The following CTNNA3 variants were observed in gnomAD, a reference collection of about 807,000 sequenced individuals.
CTNNA3 encodes catenin alpha 3, also known as catenin alpha-3.
A neutral mutation model predicts 95.7 loss-of-function variants in CTNNA3; 76 were observed. The observed-to-expected ratio is 0.79, with a 90% CI of 0.66 to 0.96. The LOEUF (loss-of-function observed/expected upper bound fraction) is 0.96. Among genes scored for constraint, CTNNA3 ranks in the 40% least tolerant of loss-of-function variants. The pLI is 0.00. For synonymous variants in CTNNA3, 431 were observed against 374.4 expected, an observed-to-expected ratio of 1.15 and a Z score of -1.74; for missense variants, 1,191 against 1,089.8, an observed-to-expected ratio of 1.09 and a Z score of -1.31.
intron 12 of CTNNA3, among the ~76,000 whole-genome samples, chr10:66,330,892 T>A (rs1297153059): frequency 1.3e-5 from 2 of 152,134 alleles, no homozygotes; most frequent in African/African-American, 2.4e-5. Context: ...TCTGTTCATA[T>A]CCTTTGCCCA....
chr10:66,353,804 G>GAAAT (rs2092585660), intron 12 of CTNNA3, among the ~76,000 whole-genome samples: 2 of 151,940 alleles, frequency 1.3e-5, no homozygotes, highest in Admixed American at 6.6e-5. Context: ...GAAAGGGATC[G>GAAAT]CTGAGATAAA....
intron 9 of CTNNA3, among the ~76,000 whole-genome samples, chr10:66,671,294 A>G (rs1049726966): frequency 7.9e-5 from 12 of 152,154 alleles, no homozygotes; most frequent in African/African-American, 2.9e-4. Flanking sequence ...TTTGATCCAT[A>G]TTAATTTTGT....
intron 10 of CTNNA3, among the ~76,000 whole-genome samples, chr10:66,616,760 G>A (rs1320310611): frequency 6.6e-6 from 1 of 151,972 alleles, no homozygotes; most frequent in Non-Finnish European, 1.5e-5. Context: ...GGACTTAACT[G>A]ACTCACTCTA....
chr10:67,569,020 G>C (rs927447081), intron 3 of CTNNA3, among the ~76,000 whole-genome samples: 1 of 152,116 alleles, frequency 6.6e-6, no homozygotes, highest in African/African-American at 2.4e-5. Context: ...GAAAGAGAAT[G>C]ATGAACTCTT....
At chr10:66,096,850 G>A (rs1001891537) in intron 14 of CTNNA3, among the ~76,000 whole-genome samples, 3 of 152,078 alleles carry the variant, frequency 2.0e-5, no homozygotes, top group African/African-American at 7.2e-5. Context: ...AAAAGTTTAA[G>A]TCCTATGCAA....
At chr10:66,389,765 G>T (rs2092922017) in intron 11 of CTNNA3, among the ~76,000 whole-genome samples, 2 of 147,828 alleles carry the variant, frequency 1.4e-5, no homozygotes, top group Admixed American at 6.8e-5. Context: ...GAGAGATAAG[G>T]TCTCCTTCTA....
At chr10:67,153,025 G>A (rs1861153472) in intron 7 of CTNNA3, among the ~76,000 whole-genome samples, 1 of 151,900 alleles carries the variant, frequency 6.6e-6, no homozygotes, top group African/African-American at 2.4e-5. Context: ...GCCCAGGATG[G>A]AGTATAGTGG....
intron 12 of CTNNA3, among the ~76,000 whole-genome samples, chr10:66,352,217 C>T (rs934562529): frequency 6.6e-6 from 1 of 152,100 alleles, no homozygotes; most frequent in Admixed American, 6.5e-5. Context: ...AGCAGTCAGA[C>T]TGAAGACTCA....
At chr10:67,523,020 T>C (rs1267973700) in intron 4 of CTNNA3, among the ~76,000 whole-genome samples, 1 of 152,122 alleles carries the variant, frequency 6.6e-6, no homozygotes. Context: ...TATAATTAAG[T>C]TTCCAGGGAA....
At chr10:67,491,617 T>C (rs1848651744) in intron 5 of CTNNA3, among the ~76,000 whole-genome samples, 2 of 152,182 alleles carry the variant, frequency 1.3e-5, no homozygotes, top group South Asian at 4.1e-4. Context: ...GAAAATACTC[T>C]GATATGGCTG....
At chr10:67,370,046 G>A (rs182423887) in intron 5 of CTNNA3, among the ~76,000 whole-genome samples, 5 of 152,208 alleles carry the variant, frequency 3.3e-5, no homozygotes, top group African/African-American at 7.2e-5. Flanking sequence ...ATGTATATAT[G>A]TATGTATGTG....
intron 8 of CTNNA3, among the ~76,000 whole-genome samples, chr10:66,766,735 T>G (rs918563939): frequency 1.1e-4 from 17 of 152,228 alleles, no homozygotes; most frequent in Non-Finnish European, 4.4e-5. Flanking sequence ...AGAATATTTA[T>G]GAGTGTGTAC....
intron 11 of CTNNA3, among the ~76,000 whole-genome samples, chr10:66,457,444 T>C (rs891808378): frequency 2.0e-5 from 3 of 152,080 alleles, no homozygotes; most frequent in South Asian, 2.1e-4. Context: ...CACTCCTACA[T>C]TGCTGTTGGG....
intron 7 of CTNNA3, chr10:66,926,655 TA>T: frequency 6.5e-7 from 1 of 1,543,426 alleles, no homozygotes; most frequent in Non-Finnish European, 8.9e-7. Context: ...GTGTGTGTAA[TA>T]ATTCTGCCTT....
intron 1 of CTNNA3, among the ~76,000 whole-genome samples, chr10:67,739,592 C>A (rs200073515): frequency 0.12 from 17,791 of 150,160 alleles, 1,195 homozygotes; most frequent in Non-Finnish European, 0.15. Flanking sequence ...TAGGAATCCA[C>A]CTTACAAGGG....
intron 11 of CTNNA3, among the ~76,000 whole-genome samples, chr10:66,399,899 T>G (rs2093007253): frequency 6.6e-6 from 1 of 152,006 alleles, no homozygotes; most frequent in Non-Finnish European, 1.5e-5. Flanking sequence ...CCTAAATTTA[T>G]GCCACTTGTT....
At chr10:66,492,768 C>G (rs1369318850) in intron 11 of CTNNA3, among the ~76,000 whole-genome samples, 1 of 152,144 alleles carries the variant, frequency 6.6e-6, no homozygotes, top group Non-Finnish European at 1.5e-5. Context: ...TCATTTAAAG[C>G]AGCAGGTAAT....
chr10:67,106,774 C>T (rs1405071930), intron 7 of CTNNA3, among the ~76,000 whole-genome samples: 1 of 152,092 alleles, frequency 6.6e-6, no homozygotes, highest in Non-Finnish European at 1.5e-5. Flanking sequence ...AAAATTCTAC[C>T]TATTTAAGGC....
At chr10:66,024,380 C>T (rs949485382) in intron 15 of CTNNA3, among the ~76,000 whole-genome samples, 10 of 152,168 alleles carry the variant, frequency 6.6e-5, no homozygotes, top group African/African-American at 1.7e-4. Flanking sequence ...TGAGCCACCA[C>T]GCCCGACCCC....
Sources: gnomAD v4.1 joint callset for allele counts (sites outside exome capture counted in the v4.1 genomes callset) on GRCh38, gnomAD v4.1.1 for gene constraint, MANE v1.5 for transcripts, NCBI Gene and HGNC (gene_info 2026-07-23, HGNC 2026-07-21) for gene names.